The following FSCN2 variants were observed in gnomAD, a reference collection of about 807,000 sequenced individuals.
The protein encoded by FSCN2 is fascin-2.
A neutral mutation model predicts 37.8 loss-of-function variants in FSCN2; 46 were observed. The observed-to-expected ratio is 1.22, with a 90% CI of 0.96 to 1.56. The LOEUF (loss-of-function observed/expected upper bound fraction) is 1.56. FSCN2 is among the 40% of genes most tolerant of loss of function. FSCN2 has a pLI of 0.00. For missense variants in FSCN2, 844 were observed against 730.4 expected, an observed-to-expected ratio of 1.16 and a Z score of -1.79; for synonymous variants, 351 against 309.4, an observed-to-expected ratio of 1.13 and a Z score of -1.41.
chr17:81,536,546 C>T lies in FSCN2; in HGVS notation c.1106-76C>T, dbSNP rs771721737. On this transcript the variant is annotated intron_variant, in intron 3 of 4. Transcript: ENST00000417245. The stretch of plus-strand genomic sequence containing the variant: ...TCCCTAAGTCCAGGTGTGGCGTTTC[C>T]CAGGGCCCCCACCCCGCCCGGCCTG... The T allele has an allele frequency of 4.4e-6, 7 of 1,579,680 alleles. No homozygotes were observed. The South Asian group carries it at 8.0e-5, about 18-fold the overall frequency.
At chr17:81,527,996 G>A (rs372759932), upstream of FSCN2, among the ~76,000 whole-genome samples, 123 of 152,298 alleles carry the variant, frequency 8.1e-4, no homozygotes, top group South Asian at 2.7e-3. Flanking sequence ...CCGAGGGTAC[G>A]GGCGGCGATC....
intron 2 of FSCN2, 30 bp from the exon 3 acceptor site, chr17:81,536,116 C>T: frequency 2.5e-6 from 4 of 1,602,148 alleles, no homozygotes; most frequent in East Asian, 4.5e-5. Context: ...CTCCTGCTGT[C>T]CTGAGGAGAC....
chr17:81,535,302 A>G, intron 2 of FSCN2, 94 bp downstream of exon 2: 1 of 592,668 alleles, frequency 1.7e-6, no homozygotes, highest in Non-Finnish European at 2.7e-6. Context: ...CCCCATCTCC[A>G]TCCCCACCAC....
At chr17:81,519,069 A>G in the FSCN2 span, 1 of 152,182 alleles carries the variant, frequency 6.6e-6, no homozygotes, top group African/African-American at 2.4e-5. Flanking sequence ...CAGGCCGGGA[A>G]GCTGGGACTT....
At chr17:81,517,446 G>A in the FSCN2 span, among the ~76,000 whole-genome samples, 1 of 152,214 alleles carries the variant, frequency 6.6e-6, no homozygotes, top group South Asian at 2.1e-4. Flanking sequence ...GGAAGTCTGG[G>A]GACAGGAGGC....
chr17:81,522,882 C>G, the FSCN2 span, among the ~76,000 whole-genome samples: 2 of 152,224 alleles, frequency 1.3e-5, no homozygotes, highest in African/African-American at 4.8e-5. Context: ...TCCTCCTGTC[C>G]CCTGCATGTG....
At chr17:81,518,385 C>A in the FSCN2 span, among the ~76,000 whole-genome samples, 1 of 123,792 alleles carries the variant, frequency 8.1e-6, no homozygotes, top group African/African-American at 3.3e-5. Flanking sequence ...CTGGCATAGC[C>A]CCTGTACCTG....
the FSCN2 span, among the ~76,000 whole-genome samples, chr17:81,515,920 C>T: frequency 1.3e-5 from 2 of 152,290 alleles, no homozygotes; most frequent in Non-Finnish European, 2.9e-5. Context: ...TCTTGGCTCG[C>T]TGCAACCTCT....
Position 81,536,945 on chromosome 17 carries a change from C to G in FSCN2, c.1344C>G (p.Asp448Glu), listed in dbSNP as rs1261564614. The change falls in exon 5 of 5, where the codon GAC (aspartate) becomes GAG (glutamate). Residue 448 changes from aspartate to glutamate, a missense_variant. Asp to Glu is a conservative substitution (Grantham distance 45, BLOSUM62 2). Coordinates refer to ENST00000417245, the MANE Select transcript of FSCN2 (RefSeq NM_012418.4). The part of the protein sequence containing the change: ...SVCSDGERAE[D>E]FVFEFRERGR... ...GCAGCGACGGCGAACGCGCCGAGGACTTCGTCTTCGAGTTCCGTGAGCGCG... is the reference window on the plus strand; with the variant it reads ...GCAGCGACGGCGAACGCGCCGAGGAGTTCGTCTTCGAGTTCCGTGAGCGCG... 1.3e-6 allele frequency: 2 copies of G among 1,568,650 alleles called. No homozygotes were observed. Among genetic ancestry groups the G allele is most frequent in the South Asian group, 1.2e-5 (1 of 86,238 alleles).
chr17:81,517,565 C>T, the FSCN2 span, among the ~76,000 whole-genome samples: 23 of 152,144 alleles, frequency 1.5e-4, no homozygotes, highest in Non-Finnish European at 2.6e-4. Flanking sequence ...TGTGTGAGAC[C>T]TGAGACCAGG....
In FSCN2 at chr17:81,537,053, G is replaced by A. The variant is rs1456358561; in HGVS notation, c.1452G>A (p.Pro484=). The A allele has an allele frequency of 4.1e-6, 6 of 1,465,972 alleles. No homozygotes were observed. The highest frequency in any genetic ancestry group is 2.9e-5 in the East Asian group (1 of 34,730). The allele number at this position is 1,465,972 out of a possible 1,614,324, so 90.8% of individuals were successfully genotyped here. A position where few individuals can be genotyped will look rare whatever the true frequency, so the allele number is the denominator to read the frequency against. ...SGLLRADADA[P]AGTALWEY is the part of the protein sequence containing the mutation. The stretch of plus-strand genomic sequence containing the variant: ...TGCTGCGGGCCGATGCCGACGCCCC[G>A]GCCGGGACCGCGCTTTGGGAGTACT... The change falls in exon 5 of 5, where the codon CCG becomes CCA. Residue 484 remains proline (P), a synonymous_variant. Coordinates refer to ENST00000417245, the MANE Select transcript of FSCN2 (RefSeq NM_012418.4).
At chr17:81,530,841 C>T (rs554633893) in intron 1 of FSCN2, among the ~76,000 whole-genome samples, 1 of 152,350 alleles carries the variant, frequency 6.6e-6, no homozygotes, top group South Asian at 2.1e-4. Context: ...ACTGTGGATG[C>T]ACGGCCATGG....
chr17:81,530,464 G>A lies in FSCN2; in HGVS notation c.826+1107G>A, dbSNP rs540662729. The A allele has an allele frequency of 2.3e-5, 9 of 383,344 alleles. No individual in the cohort carries two copies. The Admixed American group carries it at 2.4e-4, about 10-fold the overall frequency. The allele number at this position is 383,344 out of a possible 1,614,324, so 23.7% of individuals were successfully genotyped here. On this transcript the variant is annotated intron_variant, in intron 1 of 4. Transcript: ENST00000417245. Reference sequence around the variant, plus strand: ...AGCTCTGAGGGAAAAGCCCTGGCCCGGGCAGTCACTACCCACCTGGGCTCC... The same window carrying A: ...AGCTCTGAGGGAAAAGCCCTGGCCCAGGCAGTCACTACCCACCTGGGCTCC...
chr17:81,535,845 A>ATCTCCATCACCATCCCCC (rs1254756404), intron 2 of FSCN2, among the ~76,000 whole-genome samples: 1 of 54,982 alleles, frequency 1.8e-5, no homozygotes, highest in Non-Finnish European at 3.1e-5. Context: ...CCCCATCCCC[A>ATCTCCATCACCATCCCCC]TCTCCATCAC....
chr17:81,527,997 G>A (rs1211892386), upstream of FSCN2, among the ~76,000 whole-genome samples: 1 of 152,114 alleles, frequency 6.6e-6, no homozygotes, highest in Non-Finnish European at 1.5e-5. Context: ...CGAGGGTACG[G>A]GCGGCGATCA....
At chr17:81,521,678 T>C in the FSCN2 span, among the ~76,000 whole-genome samples, 1 of 152,304 alleles carries the variant, frequency 6.6e-6, no homozygotes, top group African/African-American at 2.4e-5. Flanking sequence ...AGCCTTTGTT[T>C]TGAAATTTCA....
chr17:81,515,766 T>TGGG, the FSCN2 span, among the ~76,000 whole-genome samples: 1 of 152,280 alleles, frequency 6.6e-6, no homozygotes, highest in Non-Finnish European at 1.5e-5. Context: ...CAGACAGACA[T>TGGG]GGGGGCGTGG....
chr17:81,515,871 C>T, the FSCN2 span, among the ~76,000 whole-genome samples: 13 of 152,270 alleles, frequency 8.5e-5, no homozygotes, highest in Non-Finnish European at 4.4e-5. Context: ...ATTTTTGAGA[C>T]AGTCTCATTG....
the FSCN2 span, among the ~76,000 whole-genome samples, chr17:81,516,726 C>T: frequency 1.3e-5 from 2 of 152,230 alleles, no homozygotes; most frequent in Non-Finnish European, 2.9e-5. Flanking sequence ...CCCCACTGCG[C>T]AGACTGAAGC....
Sources: allele counts gnomAD v4.1 joint callset (sites outside exome capture counted in the v4.1 genomes callset), GRCh38; gene constraint gnomAD v4.1.1; transcripts MANE v1.5; gene names NCBI Gene and HGNC (gene_info 2026-07-23, HGNC 2026-07-21).